CORO7: variants seen among roughly 807,000 people sequenced by gnomAD.
CORO7 encodes the protein coronin 7.
A neutral mutation model predicts 126.6 loss-of-function variants in CORO7; 107 were observed. The observed-to-expected ratio is 0.85, with a 90% confidence interval of 0.72 to 0.99. The LOEUF (loss-of-function observed/expected upper bound fraction) is 0.99, where lower values mean the gene tolerates loss of function less well. Among genes scored for constraint, CORO7 ranks in the 50% least tolerant of loss-of-function variants. The pLI, the probability that CORO7 is intolerant of heterozygous loss-of-function variation, is 0.00. For missense variants in CORO7, 1,314 were observed against 1,255.8 expected (o/e 1.05, Z -0.70); for synonymous variants, 603 against 536.8 (o/e 1.12, Z -1.70).
Position 4,388,395 on chromosome 16 carries a change from C to T in CORO7, c.702+150G>A, listed in dbSNP as rs1045762670. 3.4e-5 allele frequency: 30 copies of T among 872,392 alleles called. No individual in the cohort carries two copies. In the East Asian group the frequency reaches 7.5e-4, roughly 22 times the overall value. 54.0% of individuals were successfully genotyped at this position (872,392 alleles called of 1,614,324 possible). A position where few individuals can be genotyped will look rare whatever the true frequency, so the allele number is the denominator to read the frequency against. ...TTCAGCAGCCGTCAGTCCCCTGAGG[C>T]TCTGAGACCCGGCAGCACAGCCAGG... On this transcript the variant is annotated intron_variant, in intron 8 of 27. Coordinates refer to ENST00000251166, the MANE Select transcript of CORO7 (RefSeq NM_024535.5).
At chr16:4,400,794 G>A (rs971337574) in intron 6 of CORO7, among the ~76,000 whole-genome samples, 3 of 66,244 alleles carry the variant, frequency 4.5e-5, no homozygotes, top group Non-Finnish European at 7.2e-5. Context: ...CACTCCAGCA[G>A]TGCAATAATA....
intron 1 of CORO7, among the ~76,000 whole-genome samples, chr16:4,415,071 T>C: frequency 6.6e-6 from 1 of 152,142 alleles, no homozygotes; most frequent in East Asian, 1.9e-4. Context: ...TTTCGCAATG[T>C]TGCCCAGGCT....
chr16:4,361,292 C>G lies in CORO7; in HGVS notation c.1688-44G>C, dbSNP rs373558104. The G allele has an allele frequency of 8.1e-6, 13 of 1,610,712 alleles. No homozygotes were observed. In the African/African-American group the frequency reaches 1.7e-4, roughly 22 times the overall value. On this transcript the variant is annotated intron_variant, in intron 17 of 27. Transcript: ENST00000251166. ...GGCTCATCATTGCTGAGCCCAAGACCTCTGGGCTCCCCAGCCCCTATCCGG... is the reference window on the plus strand; with the variant it reads ...GGCTCATCATTGCTGAGCCCAAGACGTCTGGGCTCCCCAGCCCCTATCCGG...
chr16:4,400,920 T>C (rs1055703516), intron 6 of CORO7, among the ~76,000 whole-genome samples: 2 of 152,062 alleles, frequency 1.3e-5, no homozygotes, highest in African/African-American at 4.8e-5. Flanking sequence ...GTAAGGAATA[T>C]GGAAAATCCT....
intron 9 of CORO7, 192 bp downstream of exon 9, chr16:4,387,794 T>G (rs1052054239): frequency 4.5e-6 from 3 of 668,386 alleles, no homozygotes; most frequent in African/African-American, 3.6e-5. Flanking sequence ...CCTGAGCACC[T>G]GCTGCTCGTG....
At chr16:4,381,424 G>A (rs769303055) in intron 9 of CORO7, 2 of 1,581,014 alleles carry the variant, frequency 1.3e-6, no homozygotes, top group East Asian at 4.7e-5. Context: ...CAGCCTCCTG[G>A]CCCTGGAGCC....
Position 4,357,292 on chromosome 16 carries a change from C to A in CORO7, c.2594-33G>T, listed in dbSNP as rs201935408. On this transcript the variant is annotated intron_variant, in intron 25 of 27. Transcript: ENST00000251166. The stretch of plus-strand genomic sequence containing the variant: ...AGAGCAAGGACACGTGTCAGAGAGT[C>A]CCCTTCGTTAGGGCTCTTTGGTGCC... The A allele has an allele frequency of 4.3e-4, 687 of 1,579,574 alleles. 3 individuals are homozygous for A. In the African/African-American group the frequency reaches 7.7e-3, roughly 18 times the overall value.
chr16:4,364,984 G>T lies in CORO7; in HGVS notation c.898+19C>A. 1 of 1,605,308 alleles carries T rather than the reference G, an allele frequency of 6.2e-7. No individual in the cohort carries two copies. Among genetic ancestry groups the T allele is most frequent in the Admixed American group, 1.7e-5 (1 of 58,854 alleles). On this transcript the variant is annotated intron_variant, in intron 11 of 27. Transcript: ENST00000251166. ...GGGGAGGGGAGGGTAGGGGATGGGG[G>T]CGAGGAAGCAAGGCTTACCTGGGCT... is the stretch of plus-strand genomic sequence containing the variant.
intron 6 of CORO7, among the ~76,000 whole-genome samples, chr16:4,401,143 G>A (rs545188806): frequency 5.9e-5 from 9 of 152,280 alleles, no homozygotes; most frequent in African/African-American, 1.9e-4. Flanking sequence ...GGGAAACCGC[G>A]GGGAAGAACT....
chr16:4,380,923 G>A, intron 9 of CORO7: 2 of 1,580,134 alleles, frequency 1.3e-6, no homozygotes, highest in South Asian at 1.1e-5. Context: ...CCTGCTACTG[G>A]CCCTGGGGCC....
Position 4,362,080 on chromosome 16 carries a change from G to A in CORO7, c.1483C>T (p.Leu495Phe), listed in dbSNP as rs1339374138. ...SHITNLKGLN[L>F]TTPGESDGFC... ...CCGTCACTCTCACCAGGTGTGGTGA[G>A]GTTGAGCCCCTTGAGGTTGGTGATG... The change falls in exon 16 of 28, where the codon CTC (leucine) becomes TTC (phenylalanine). Residue 495 changes from leucine (L) to phenylalanine (F), a missense_variant. Coordinates refer to ENST00000251166, the MANE Select transcript of CORO7 (RefSeq NM_024535.5). This position sits in a 1 kb window ranked among gnomAD's most constrained non-coding sequence, Gnocchi z 5.3. The A allele has an allele frequency of 6.2e-7, 1 of 1,613,202 alleles. No homozygotes were observed. Among genetic ancestry groups the A allele is most frequent in the Admixed American group, 1.7e-5 (1 of 60,004 alleles).
intron 1 of CORO7, among the ~76,000 whole-genome samples, chr16:4,413,883 C>A (rs1179385603): frequency 6.6e-6 from 1 of 151,692 alleles, no homozygotes; most frequent in Non-Finnish European, 1.5e-5. Flanking sequence ...TCACGAAGTC[C>A]CTTAGGAAAT....
chr16:4,400,800 T>TAATAATAAC (rs2055771153), intron 6 of CORO7, among the ~76,000 whole-genome samples: 1 of 144,262 alleles, frequency 6.9e-6, no homozygotes, highest in African/African-American at 2.6e-5. Context: ...AGCAGTGCAA[T>TAATAATAAC]AATAATAATA....
chr16:4,410,682 T>C (rs1300268280), intron 3 of CORO7, among the ~76,000 whole-genome samples: 2 of 152,208 alleles, frequency 1.3e-5, no homozygotes. Flanking sequence ...TATTGTGCGA[T>C]TCCATTTGCG....
intron 6 of CORO7, among the ~76,000 whole-genome samples, chr16:4,400,372 A>G (rs1179329360): frequency 6.6e-6 from 1 of 151,816 alleles, no homozygotes; most frequent in Non-Finnish European, 1.5e-5. Flanking sequence ...GGTGGCTCAC[A>G]CCTGTAATCC....
intron 13 of CORO7, 24 bp downstream of exon 13, chr16:4,364,573 G>A (rs1338305040): frequency 6.5e-7 from 1 of 1,546,500 alleles, no homozygotes; most frequent in Non-Finnish European, 8.7e-7. Flanking sequence ...GAGGCTGGGA[G>A]AGGTGAGCCA....
chr16:4,378,820 C>T (rs928226316), intron 9 of CORO7, among the ~76,000 whole-genome samples: 44 of 151,936 alleles, frequency 2.9e-4, no homozygotes, highest in African/African-American at 8.5e-4. Flanking sequence ...AGGGGGACAC[C>T]GCTAGGTTGG....
At chr16:4,360,917 T>C (rs2054156884) in intron 19 of CORO7, 26 bp downstream of exon 19, 2 of 1,596,256 alleles carry the variant, frequency 1.3e-6, no homozygotes, top group Non-Finnish European at 1.7e-6. Context: ...TCCACACTGC[T>C]GGCCCCACCT....
chr16:4,382,804 G>A (rs2055046587), intron 9 of CORO7: 4 of 1,592,450 alleles, frequency 2.5e-6, no homozygotes, highest in Non-Finnish European at 3.4e-6. Flanking sequence ...GGGCGGTGGA[G>A]AGGCCCTGCC....
Sources: gnomAD v4.1 joint callset for allele counts (sites outside exome capture counted in the v4.1 genomes callset) on GRCh38, gnomAD v4.1.1 for gene constraint, Gnocchi (gnomAD v3.1) non-coding constraint, MANE v1.5 for transcripts, NCBI Gene and HGNC (gene_info 2026-07-23, HGNC 2026-07-21) for gene names.